Variants in ARL15 observed in about 807,000 individuals in gnomAD.
ARL15 encodes the protein ARF like GTPase 15, also known as ADP-ribosylation factor-like protein 15.
A neutral mutation model predicts 25.2 loss-of-function variants in ARL15; 19 were observed. The observed-to-expected ratio is 0.75, with a 90% confidence interval of 0.53 to 1.10. The LOEUF (loss-of-function observed/expected upper bound fraction) is 1.10, where lower values mean the gene tolerates loss of function less well. Among genes scored for constraint, ARL15 ranks in the 50% least tolerant of loss-of-function variants. The pLI is 0.00. For missense variants in ARL15, 220 were observed against 246.0 expected, an observed-to-expected ratio of 0.89 and a Z score of 0.71; for synonymous variants, 94 against 86.8, an observed-to-expected ratio of 1.08 and a Z score of -0.46.
intron 4 of ARL15, among the ~76,000 whole-genome samples, chr5:53,992,900 G>A (rs1294939234): frequency 1.3e-5 from 2 of 152,110 alleles, no homozygotes; most frequent in Non-Finnish European, 2.9e-5. Flanking sequence ...TATAAAATTA[G>A]CTGGGCGTAG....
At chr5:54,238,639 A>C (rs922631643) in intron 1 of ARL15, among the ~76,000 whole-genome samples, 2 of 152,232 alleles carry the variant, frequency 1.3e-5, no homozygotes, top group Non-Finnish European at 2.9e-5. Context: ...CATTAAGCCG[A>C]CTTCACAGAC....
rs1354799373 is a variant in ARL15 at position 54,159,826 on chromosome 5, C to T, written c.194-5187G>A. Among the ~76,000 whole-genome samples the T allele has an allele frequency of 3.9e-5, 6 of 152,186 alleles. No individual in the cohort carries two copies. The East Asian group carries it at 1.2e-3, about 29-fold the overall frequency. Reference sequence around the variant, plus strand: ...AGTCTTTGTTTTGCAGTCCTTAAATCCAACAAAACCTGTGAGACAAGAAAG... The same window carrying T: ...AGTCTTTGTTTTGCAGTCCTTAAATTCAACAAAACCTGTGAGACAAGAAAG... On this transcript the variant is annotated intron_variant, in intron 2 of 4. Transcript: ENST00000504924.
In ARL15 at chr5:54,002,222, G is replaced by A. The variant is rs1209548191; in HGVS notation, c.462+110980C>T. ...AGATCCAGGACACACATGGAATAAA[G>A]CAAAGCCAATTTAATAATGGTGCCC... On this transcript the variant is annotated intron_variant, in intron 4 of 4. Transcript: ENST00000504924. Among the ~76,000 whole-genome samples, 3 of 152,170 alleles carry A rather than the reference G, an allele frequency of 2.0e-5. No homozygotes were observed. The East Asian group carries it at 5.8e-4, about 29-fold the overall frequency.
At chr5:54,082,119 G>GGGAGGGAGGGAT (rs59676053) in intron 4 of ARL15, among the ~76,000 whole-genome samples, 2 of 151,388 alleles carry the variant, frequency 1.3e-5, no homozygotes. Flanking sequence ...GAGGGAGGGA[G>GGGAGGGAGGGAT]ACAAATACAA....
chr5:53,922,855 G>A (rs780758078), intron 4 of ARL15, among the ~76,000 whole-genome samples: 2 of 152,096 alleles, frequency 1.3e-5, no homozygotes, highest in Non-Finnish European at 2.9e-5. Context: ...TCTGAAAACT[G>A]TCTATTCCCC....
chr5:53,896,830 G>A (rs138482749), intron 4 of ARL15, among the ~76,000 whole-genome samples: 420 of 152,200 alleles, frequency 2.8e-3, no homozygotes, highest in Non-Finnish European at 4.2e-3. Context: ...AAAATTTTTG[G>A]AGATACTCAT....
At chr5:53,968,973 C>A (rs1257440468) in intron 4 of ARL15, among the ~76,000 whole-genome samples, 1 of 151,638 alleles carries the variant, frequency 6.6e-6, no homozygotes, top group African/African-American at 2.4e-5. Context: ...CATGGTGAAA[C>A]CCCGTCTCTA....
At chr5:54,105,609 G>A (rs1226847538) in intron 4 of ARL15, among the ~76,000 whole-genome samples, 3 of 152,006 alleles carry the variant, frequency 2.0e-5, no homozygotes, top group Non-Finnish European at 4.4e-5. Flanking sequence ...TTGAGACAGA[G>A]CCGCACTCTG....
At chr5:54,202,254 C>T (rs1244259823) in intron 1 of ARL15, among the ~76,000 whole-genome samples, 1 of 152,148 alleles carries the variant, frequency 6.6e-6, no homozygotes, top group Non-Finnish European at 1.5e-5. Flanking sequence ...CATATCCTAA[C>T]CCCTGGAACC....
chr5:54,011,099 C>T (rs1285782878), intron 4 of ARL15, among the ~76,000 whole-genome samples: 1 of 151,852 alleles, frequency 6.6e-6, no homozygotes, highest in Admixed American at 6.6e-5. Flanking sequence ...TAGCCTGTGC[C>T]GGGAGTGGAA....
At chr5:54,124,270 CT>C (rs1186296288) in intron 3 of ARL15, among the ~76,000 whole-genome samples, 5 of 152,252 alleles carry the variant, frequency 3.3e-5, no homozygotes, top group African/African-American at 1.2e-4. Context: ...TCATGCTCTT[CT>C]TATTCTAGAC....
chr5:54,062,517 G>GAA (rs71577097), intron 4 of ARL15, among the ~76,000 whole-genome samples: 55 of 113,458 alleles, frequency 4.8e-4, no homozygotes, highest in African/African-American at 1.4e-3. Context: ...GGTGGTTAAG[G>GAA]AAAAAAAAAA....
intron 1 of ARL15, among the ~76,000 whole-genome samples, chr5:54,302,392 TC>T (rs758211402): frequency 2.6e-5 from 4 of 152,200 alleles, no homozygotes; most frequent in Non-Finnish European, 5.9e-5. Context: ...TCAAGTTTCC[TC>T]TTTTCTAAGT....
chr5:54,254,785 G>A (rs1396123891), intron 1 of ARL15, among the ~76,000 whole-genome samples: 2 of 152,128 alleles, frequency 1.3e-5, no homozygotes, highest in Non-Finnish European at 2.9e-5. Context: ...GAGGGGCAGG[G>A]GATAAATGTT....
At chr5:54,098,068 T>G (rs979507132) in intron 4 of ARL15, among the ~76,000 whole-genome samples, 26 of 152,134 alleles carry the variant, frequency 1.7e-4, no homozygotes, top group Admixed American at 9.8e-4. Context: ...AGGCCAACCA[T>G]GAGAGGATGT....
At chr5:53,958,194 A>G (rs1747231635) in intron 4 of ARL15, among the ~76,000 whole-genome samples, 2 of 147,818 alleles carry the variant, frequency 1.4e-5, no homozygotes, top group South Asian at 4.2e-4. Context: ...AAAAAAAAGA[A>G]AAAAAAAAAA....
intron 1 of ARL15, among the ~76,000 whole-genome samples, chr5:54,198,950 T>C (rs917924879): frequency 5.3e-5 from 8 of 151,896 alleles, no homozygotes; most frequent in Admixed American, 2.0e-4. Flanking sequence ...AAAACAGAGA[T>C]ATAGATCAAT....
intron 4 of ARL15, among the ~76,000 whole-genome samples, chr5:54,055,352 C>CTTT (rs147040538): frequency 1.3e-4 from 7 of 55,328 alleles, no homozygotes; most frequent in African/African-American, 4.8e-4. Flanking sequence ...ATCATCATTC[C>CTTT]TTTTTTTTTT....
intron 1 of ARL15, among the ~76,000 whole-genome samples, chr5:54,202,854 C>T (rs968981100): frequency 1.3e-5 from 2 of 148,388 alleles, no homozygotes; most frequent in African/African-American, 5.1e-5. Context: ...GAAATATCAC[C>T]TTTCATGAAT....
Sources: gnomAD v4.1 joint callset for allele counts (sites outside exome capture counted in the v4.1 genomes callset) on GRCh38, gnomAD v4.1.1 for gene constraint, MANE v1.5 for transcripts, NCBI Gene and HGNC (gene_info 2026-07-23, HGNC 2026-07-21) for gene names.